Variants in HSD11B1 observed in about 807,000 individuals in gnomAD.
HSD11B1 encodes 11-beta-hydroxysteroid dehydrogenase 1.
Under a neutral mutation model 22.1 loss-of-function variants are expected in HSD11B1, and 15 were observed. The observed-to-expected ratio is 0.68, with a 90% confidence interval of 0.45 to 1.04. HSD11B1 has a LOEUF of 1.04. Among genes scored for constraint, HSD11B1 ranks in the 50% least tolerant of loss-of-function variants. The pLI, the probability that HSD11B1 is intolerant of heterozygous loss-of-function variation, is 0.00. For synonymous variants in HSD11B1, 122 were observed against 125.2 expected (o/e 0.97, Z 0.17); for missense variants, 281 against 357.6 (o/e 0.79, Z 1.73).
At chr1:209,709,079 T>C (rs928805290) in intron 4 of HSD11B1, among the ~76,000 whole-genome samples, 3 of 152,262 alleles carry the variant, frequency 2.0e-5, no homozygotes, top group African/African-American at 7.2e-5. Context: ...ATCCTTCCTC[T>C]TTAAAATCTA....
chr1:209,687,702 C>G (rs909676076), intron 1 of HSD11B1, among the ~76,000 whole-genome samples: 3 of 152,178 alleles, frequency 2.0e-5, no homozygotes, highest in Non-Finnish European at 4.4e-5. Context: ...GAAAACTTTA[C>G]AAGAAGGTAC....
At chr1:209,726,368 C>G (rs1358630694) in intron 4 of HSD11B1, among the ~76,000 whole-genome samples, 1 of 150,946 alleles carries the variant, frequency 6.6e-6, no homozygotes, top group Non-Finnish European at 1.5e-5. Flanking sequence ...TTTGGGAGGC[C>G]AAGGCAGGAG....
chr1:209,702,171 T>C (rs2076830242), upstream of HSD11B1, among the ~76,000 whole-genome samples: 1 of 152,258 alleles, frequency 6.6e-6, no homozygotes, highest in South Asian at 2.1e-4. Context: ...TCTTTATTAT[T>C]TTTTAAAACT....
chr1:209,693,970 G>A (rs2076775968), intron 1 of HSD11B1, among the ~76,000 whole-genome samples: 1 of 152,000 alleles, frequency 6.6e-6, no homozygotes, highest in Non-Finnish European at 1.5e-5. Context: ...CCATCTCACT[G>A]AGACCTGTTC....
intron 4 of HSD11B1, 88 bp downstream of exon 4, chr1:209,707,216 T>C: frequency 1.8e-6 from 2 of 1,133,916 alleles, no homozygotes; most frequent in Admixed American, 3.7e-5. Flanking sequence ...CATAAATTTT[T>C]ATCAGTTTCC....
chr1:209,731,114 T>A (rs1210371422), intron 4 of HSD11B1, among the ~76,000 whole-genome samples: 1 of 152,248 alleles, frequency 6.6e-6, no homozygotes, highest in African/African-American at 2.4e-5. Context: ...AAAGGGGTTA[T>A]GCTGGAAAGG....
upstream of HSD11B1, among the ~76,000 whole-genome samples, chr1:209,701,828 C>G (rs1343101806): frequency 6.6e-6 from 1 of 152,224 alleles, no homozygotes; most frequent in Non-Finnish European, 1.5e-5. Context: ...CTGGCCCATC[C>G]TTCACAGTCC....
At chr1:209,707,254 A>G (rs982587837) in intron 4 of HSD11B1, 126 bp downstream of exon 4, 2 of 817,064 alleles carry the variant, frequency 2.4e-6, no homozygotes, top group Non-Finnish European at 4.1e-6. Flanking sequence ...GGGATTGGTC[A>G]AGGTAAGTGG....
intron 4 of HSD11B1, among the ~76,000 whole-genome samples, chr1:209,719,584 C>A (rs1230708750): frequency 2.0e-5 from 3 of 152,120 alleles, no homozygotes; most frequent in Non-Finnish European, 4.4e-5. Flanking sequence ...TAGGCCCCGG[C>A]GTGTGATGTT....
chr1:209,706,737 C>A lies in HSD11B1; in HGVS notation c.248C>A (p.Ala83Glu). ...GTATCCCACTGCCTGGAGCTTGGAGCAGCCTCAGCACACTACATTGCTGGC... is the reference window on the plus strand; with the variant it reads ...GTATCCCACTGCCTGGAGCTTGGAGAAGCCTCAGCACACTACATTGCTGGC... The part of the protein sequence containing the change: ...KVVSHCLELG[A>E]ASAHYIAGTM... The change falls in exon 3 of 6, where the codon GCA (alanine) becomes GAA (glutamate). Residue 83 changes from alanine (A) to glutamate (E), a missense_variant. Ala to Glu is a moderately radical substitution (Grantham distance 107, BLOSUM62 -1). Coordinates refer to ENST00000367027, the MANE Select transcript of HSD11B1 (RefSeq NM_005525.4). This position sits in a 1 kb window ranked among gnomAD's most constrained non-coding sequence, Gnocchi z 4.0. The A allele has an allele frequency of 3.1e-6, 5 of 1,613,812 alleles. No individual in the cohort carries two copies. The highest frequency in any genetic ancestry group is 4.2e-6 in the Non-Finnish European group (5 of 1,179,838).
At chr1:209,729,575 A>C (rs1363063631) in intron 4 of HSD11B1, among the ~76,000 whole-genome samples, 1 of 152,076 alleles carries the variant, frequency 6.6e-6, no homozygotes, top group Non-Finnish European at 1.5e-5. Flanking sequence ...CATTACATCC[A>C]CCTTCAGACA....
chr1:209,729,241 C>G (rs1558199994), intron 4 of HSD11B1, among the ~76,000 whole-genome samples: 1 of 152,000 alleles, frequency 6.6e-6, no homozygotes, highest in Non-Finnish European at 1.5e-5. Flanking sequence ...AACCTGTAAT[C>G]CCAGCTACTC....
intron 4 of HSD11B1, among the ~76,000 whole-genome samples, chr1:209,712,760 G>T (rs1241601896): frequency 6.6e-6 from 1 of 152,164 alleles, no homozygotes; most frequent in Non-Finnish European, 1.5e-5. Context: ...CCTTAAGAAT[G>T]TTTCCTTTGG....
At chr1:209,708,269 G>A (rs77426936) in intron 4 of HSD11B1, among the ~76,000 whole-genome samples, 6,309 of 152,240 alleles carry the variant, frequency 0.041, 455 homozygotes, top group African/African-American at 0.14. Context: ...ATCAAAATCC[G>A]CCATCTAAAT....
intron 1 of HSD11B1, among the ~76,000 whole-genome samples, chr1:209,697,692 G>A (rs1257477818): frequency 1.3e-5 from 2 of 151,834 alleles, no homozygotes; most frequent in South Asian, 4.2e-4. Context: ...CAGGATGCTG[G>A]GCTCCACTTT....
chr1:209,702,163 T>C (rs2076830120), upstream of HSD11B1, among the ~76,000 whole-genome samples: 1 of 152,248 alleles, frequency 6.6e-6, no homozygotes, highest in African/African-American at 2.4e-5. Context: ...TCATTTTGTC[T>C]TTATTATTTT....
At chr1:209,689,208 C>A (rs1026086333) in intron 1 of HSD11B1, among the ~76,000 whole-genome samples, 2 of 152,142 alleles carry the variant, frequency 1.3e-5, no homozygotes, top group African/African-American at 4.8e-5. Context: ...TCCCAGAACA[C>A]AAACAGCCTA....
chr1:209,711,974 G>C (rs916359012), intron 4 of HSD11B1, among the ~76,000 whole-genome samples: 1 of 152,088 alleles, frequency 6.6e-6, no homozygotes, highest in South Asian at 2.1e-4. Flanking sequence ...GGAAAGGCTC[G>C]GCTGAACTTA....
In HSD11B1 at chr1:209,706,166, A is replaced by G. The variant is rs2076857755; in HGVS notation, c.219+225A>G. Among the ~76,000 whole-genome samples, 1 of 152,162 alleles carries G rather than the reference A, an allele frequency of 6.6e-6. No homozygotes were observed. Among genetic ancestry groups the G allele is most frequent in the Non-Finnish European group, 1.5e-5 (1 of 68,012 alleles). ...AGCATTCATTCATGTGTGTGTGTGT[A>G]ATATATTCTGCAACAGAGTCCTTGA... On this transcript the variant is annotated intron_variant, in intron 2 of 5. Transcript: ENST00000367027. This position sits in a 1 kb window ranked among gnomAD's most constrained non-coding sequence, Gnocchi z 4.0.
Sources: allele counts gnomAD v4.1 joint callset (sites outside exome capture counted in the v4.1 genomes callset), GRCh38; gene constraint gnomAD v4.1.1; non-coding constraint Gnocchi (gnomAD v3.1); transcripts MANE v1.5; gene names NCBI Gene and HGNC (gene_info 2026-07-23, HGNC 2026-07-21).